Variants in AVL9 observed in about 807,000 individuals in gnomAD.
AVL9 encodes the protein late secretory pathway protein AVL9 homolog.
A neutral mutation model predicts 79.2 loss-of-function variants in AVL9; 49 were observed. The ratio of observed to expected loss-of-function variants is 0.62; its 90% CI spans 0.49 to 0.79. The LOEUF (loss-of-function observed/expected upper bound fraction) is 0.79. Ranked by LOEUF, AVL9 falls within the 30% of genes least tolerant of loss-of-function variation. The pLI, the probability that AVL9 is intolerant of heterozygous loss-of-function variation, is 0.00. For missense variants in AVL9, 682 were observed against 776.8 expected, an observed-to-expected ratio of 0.88 and a Z score of 1.45; for synonymous variants, 299 against 280.6, an observed-to-expected ratio of 1.07 and a Z score of -0.65.
At chr7:32,533,867 C>T (rs1315146565) in intron 1 of AVL9, 1 of 152,072 alleles carries the variant, frequency 6.6e-6, no homozygotes, top group South Asian at 2.1e-4. Context: ...TTCTATTTGC[C>T]GTATGGTTCT....
chr7:32,500,230 A>G (rs1250469468), intron 1 of AVL9, among the ~76,000 whole-genome samples: 1 of 152,084 alleles, frequency 6.6e-6, no homozygotes, highest in African/African-American at 2.4e-5. Context: ...AAGCATTCCT[A>G]TTTCACATCC....
At chr7:32,548,264 C>T (rs762190422) in intron 3 of AVL9, among the ~76,000 whole-genome samples, 17 of 151,540 alleles carry the variant, frequency 1.1e-4, no homozygotes, top group Admixed American at 7.9e-4. Context: ...TCTCTTGCCT[C>T]GGCTTTCCAA....
chr7:32,576,118 A>T lies in AVL9; in HGVS notation c.1688+46A>T, dbSNP rs759042171. ...TTGATAGTACATAAATGGTTGGTTT[A>T]CGAGTGCCCAATACAGAGAAAAATC... On this transcript the variant is annotated intron_variant, in intron 13 of 15. Transcript: ENST00000318709. 3.9e-6 allele frequency: 5 copies of T among 1,290,272 alleles called. No homozygotes were observed. In the Admixed American group the frequency reaches 6.8e-5, roughly 18 times the overall value. 79.9% of individuals were successfully genotyped at this position (1,290,272 alleles called of 1,614,324 possible). A position where few individuals can be genotyped will look rare whatever the true frequency, so the allele number is the denominator to read the frequency against.
chr7:32,567,648 C>A lies in AVL9; in HGVS notation c.1216-2372C>A, dbSNP rs1004254482. Among the ~76,000 whole-genome samples the A allele has an allele frequency of 9.4e-4, 143 of 152,160 alleles. 1 individual carries two copies. The highest frequency in any genetic ancestry group is 1.6e-3 in the Non-Finnish European group (109 of 67,996). ...ATGCATATTTTCCCCTCCCTTTTTA[C>A]AAATGGTAGCAGAATGTGCCCATTT... On this transcript the variant is annotated intron_variant, in intron 10 of 15. Transcript: ENST00000318709.
intron 1 of AVL9, among the ~76,000 whole-genome samples, chr7:32,523,102 G>C (rs1214927826): frequency 7.1e-6 from 1 of 141,382 alleles, no homozygotes; most frequent in Non-Finnish European, 1.5e-5. Flanking sequence ...CAAATTTGCT[G>C]TCCCTCATGG....
Position 32,585,207 on chromosome 7 carries a change from C to T in AVL9, c.*1300C>T, listed in dbSNP as rs183181508. On this transcript the variant is annotated 3_prime_UTR_variant, in exon 16 of 16. Coordinates refer to ENST00000318709, the MANE Select transcript of AVL9 (RefSeq NM_015060.3). Reference sequence around the variant, plus strand: ...GTCCTCCTATAATCAATCCCTACCCCCTTCTAGAAGTATCTTAAAAGAAAA... The same window carrying T: ...GTCCTCCTATAATCAATCCCTACCCTCTTCTAGAAGTATCTTAAAAGAAAA... The T allele has an allele frequency of 3.7e-4, 57 of 152,290 alleles. No individual in the cohort carries two copies. Among genetic ancestry groups the T allele is most frequent in the African/African-American group, 1.3e-3 (56 of 41,552 alleles). The allele number at this position is 152,290 out of a possible 1,614,324, so 9.4% of individuals were successfully genotyped here. A position where few individuals can be genotyped will look rare whatever the true frequency, so the allele number is the denominator to read the frequency against.
At chr7:32,549,996 A>AT (rs1235213243) in intron 4 of AVL9, among the ~76,000 whole-genome samples, 10 of 152,210 alleles carry the variant, frequency 6.6e-5, no homozygotes, top group Non-Finnish European at 1.0e-4. Context: ...AAATTGATCA[A>AT]TTATTCATCT....
At chr7:32,506,676 G>T (rs1452761793) in intron 1 of AVL9, among the ~76,000 whole-genome samples, 1 of 151,896 alleles carries the variant, frequency 6.6e-6, no homozygotes, top group Non-Finnish European at 1.5e-5. Flanking sequence ...ACTTCGGGAG[G>T]CCAAACGGGA....
At chr7:32,519,138 T>G (rs138466540) in intron 1 of AVL9, among the ~76,000 whole-genome samples, 5 of 152,124 alleles carry the variant, frequency 3.3e-5, no homozygotes, top group African/African-American at 1.2e-4. Flanking sequence ...TAAAGAAATG[T>G]AAGGGCTTGG....
At chr7:32,527,617 G>A (rs977813023) in intron 1 of AVL9, among the ~76,000 whole-genome samples, 1 of 152,118 alleles carries the variant, frequency 6.6e-6, no homozygotes, top group Non-Finnish European at 1.5e-5. Flanking sequence ...ACAGTGAATT[G>A]TCTGTAAGTC....
chr7:32,518,054 C>T (rs1244850381), intron 1 of AVL9, among the ~76,000 whole-genome samples: 1 of 152,098 alleles, frequency 6.6e-6, no homozygotes, highest in East Asian at 1.9e-4. Context: ...TGGTCTCAAA[C>T]TCCTGGCATC....
intron 1 of AVL9, among the ~76,000 whole-genome samples, chr7:32,525,206 A>G (rs1788349309): frequency 6.6e-6 from 1 of 152,208 alleles, no homozygotes; most frequent in Non-Finnish European, 1.5e-5. Flanking sequence ...GGTGAAGTAT[A>G]TTTTTGTAAG....
Position 32,583,828 on chromosome 7 carries a change from C to T in AVL9, c.1868C>T (p.Thr623Ile), listed in dbSNP as rs750698634. 2.0e-5 allele frequency: 33 copies of T among 1,614,100 alleles called. No homozygotes were observed. Among genetic ancestry groups the T allele is most frequent in the Non-Finnish European group, 2.8e-5 (33 of 1,179,970 alleles). ...GGAGGAGCTTTTTCCAGTGCAAAGA[C>T]AGCTATGTCTTCATGGCTTTCCACT... ...SVGGAFSSAK[T>I]AMSSWLSTFT... The change falls in exon 16 of 16, where the codon ACA becomes ATA. Residue 623 changes from threonine to isoleucine, a missense_variant. Thr to Ile is a moderately conservative substitution (Grantham distance 89, BLOSUM62 -1). Transcript: ENST00000318709.
rs959273823 is a variant in AVL9, at chr7:32,570,306, G to T, written c.1350+152G>T. ...CTAAGTATTTTATGTGTATTAACTGGTCTAATTCTCATAAAAACACAGTCA... is the reference window on the plus strand; with the variant it reads ...CTAAGTATTTTATGTGTATTAACTGTTCTAATTCTCATAAAAACACAGTCA... On this transcript the variant is annotated intron_variant, in intron 11 of 15. Transcript: ENST00000318709. 6 of 1,097,894 alleles carry T rather than the reference G, an allele frequency of 5.5e-6. No homozygotes were observed. In the African/African-American group the frequency reaches 7.9e-5, roughly 14 times the overall value. The allele number at this position is 1,097,894 out of a possible 1,614,324, so 68.0% of individuals were successfully genotyped here.
chr7:32,510,149 T>C lies in AVL9; in HGVS notation c.93+14347T>C, dbSNP rs182707324. ...CAGGTCTGGTGGTGGGAGTCCACAG[T>C]CCTGGCACTTCTGAACTGCCCCAGT... is the stretch of plus-strand genomic sequence containing the variant. On this transcript the variant is annotated intron_variant, in intron 1 of 15. Transcript: ENST00000318709. 4.9e-3 allele frequency among the ~76,000 whole-genome samples: 743 copies of C among 151,902 alleles called. 4 individuals are homozygous for C. The highest frequency in any genetic ancestry group is 0.017 in the African/African-American group (691 of 41,366).
At chr7:32,536,834 G>A (rs372051008) in intron 1 of AVL9, 31 of 152,276 alleles carry the variant, frequency 2.0e-4, no homozygotes, top group South Asian at 8.3e-4. Flanking sequence ...GCATTCACTG[G>A]TTTATTATTA....
intron 1 of AVL9, 67 bp downstream of exon 1, chr7:32,495,869 C>T: frequency 9.3e-7 from 1 of 1,073,966 alleles, no homozygotes; most frequent in Non-Finnish European, 1.2e-6. Flanking sequence ...CCCCCCTGCC[C>T]TGCTTCTGTG....
chr7:32,513,826 G>GTAAC (rs1023792672), intron 1 of AVL9, among the ~76,000 whole-genome samples: 13 of 152,236 alleles, frequency 8.5e-5, no homozygotes, highest in African/African-American at 3.1e-4. Flanking sequence ...GGAATGTGGT[G>GTAAC]TAACTATAGG....
chr7:32,542,869 C>T (rs1019487808), intron 1 of AVL9, among the ~76,000 whole-genome samples: 1 of 152,164 alleles, frequency 6.6e-6, no homozygotes, highest in African/African-American at 2.4e-5. Flanking sequence ...TATCAATCTG[C>T]AGTTCAATCA....
Sources: gnomAD v4.1 joint callset for allele counts (sites outside exome capture counted in the v4.1 genomes callset) on GRCh38, gnomAD v4.1.1 for gene constraint, MANE v1.5 for transcripts, NCBI Gene and HGNC (gene_info 2026-07-23, HGNC 2026-07-21) for gene names.